The following AGTPBP1 variants were observed in gnomAD, a reference collection of about 807,000 sequenced individuals.
AGTPBP1 encodes the protein cytosolic carboxypeptidase 1.
AGTPBP1 carries 70 observed loss-of-function variants against 143.9 expected under a neutral mutation model. The observed-to-expected ratio is 0.49, with a 90% CI of 0.40 to 0.59. The LOEUF is 0.59. AGTPBP1 is among the 20% of genes least tolerant of loss of function. AGTPBP1 has a pLI of 0.00. For missense variants in AGTPBP1, 1,229 were observed against 1,464.5 expected (o/e 0.84, Z 2.62); for synonymous variants, 463 against 500.2 (o/e 0.93, Z 0.99).
intron 17 of AGTPBP1, among the ~76,000 whole-genome samples, chr9:85,605,142 T>C (rs1829915141): frequency 1.3e-5 from 2 of 152,130 alleles, no homozygotes; most frequent in Non-Finnish European, 2.9e-5. Flanking sequence ...AAGAAGGCTA[T>C]AGAACACCAC....
chr9:85,633,803 G>T (rs1157009932), intron 13 of AGTPBP1, among the ~76,000 whole-genome samples: 1 of 151,734 alleles, frequency 6.6e-6, no homozygotes, highest in Non-Finnish European at 1.5e-5. Flanking sequence ...TTGTATAGGG[G>T]TAGAAAAGAG....
At chr9:85,641,629 T>C (rs982622134) in intron 13 of AGTPBP1, among the ~76,000 whole-genome samples, 2 of 152,114 alleles carry the variant, frequency 1.3e-5, no homozygotes, top group Non-Finnish European at 2.9e-5. Context: ...TTATGGCATC[T>C]AAGGCTCCTA....
At chr9:85,773,374 C>T in the AGTPBP1 span, among the ~76,000 whole-genome samples, 1 of 130,834 alleles carries the variant, frequency 7.6e-6, no homozygotes, top group Non-Finnish European at 1.6e-5. Context: ...GCTCTTGCAC[C>T]CAGGCTGGAG....
At chr9:85,652,420 G>A (rs1013663002) in intron 11 of AGTPBP1, among the ~76,000 whole-genome samples, 1 of 152,142 alleles carries the variant, frequency 6.6e-6, no homozygotes, top group Non-Finnish European at 1.5e-5. Flanking sequence ...GCTGAGACAG[G>A]AGAATTGCTT....
chr9:85,579,847 A>ATTAAATTAAATTAAATT (rs1828137602), intron 23 of AGTPBP1, among the ~76,000 whole-genome samples: 4 of 150,666 alleles, frequency 2.7e-5, no homozygotes, highest in African/African-American at 9.8e-5. Flanking sequence ...ATCTAAAGTC[A>ATTAAATTAAATTAAATT]CTCTTCATTA....
At chr9:85,706,989 T>C (rs1391253373) in intron 2 of AGTPBP1, among the ~76,000 whole-genome samples, 1 of 150,746 alleles carries the variant, frequency 6.6e-6, no homozygotes, top group Non-Finnish European at 1.5e-5. Context: ...AGAAATGTGC[T>C]TTAAATATAA....
chr9:85,805,292 C>T, the AGTPBP1 span: 3 of 151,990 alleles, frequency 2.0e-5, no homozygotes, highest in African/African-American at 4.8e-5. Flanking sequence ...GAGGCTCTCA[C>T]GCCGCCCCCT....
At chr9:85,795,564 G>A in the AGTPBP1 span, among the ~76,000 whole-genome samples, 16 of 152,160 alleles carry the variant, frequency 1.1e-4, no homozygotes, top group African/African-American at 3.4e-4. Flanking sequence ...ACATACCAAT[G>A]AGTAAAACAG....
chr9:85,701,127 G>T (rs1387319982), intron 2 of AGTPBP1, among the ~76,000 whole-genome samples: 1 of 151,854 alleles, frequency 6.6e-6, no homozygotes, highest in Non-Finnish European at 1.5e-5. Flanking sequence ...GGCCAGGCTG[G>T]TCTTGAACTC....
At position 85,677,496 on chromosome 9, in the gene AGTPBP1, G is replaced by T; in HGVS notation, c.376C>A (p.Pro126Thr). 1 of 1,604,142 alleles carries T rather than the reference G, an allele frequency of 6.2e-7. No individual in the cohort carries two copies. The highest frequency in any genetic ancestry group is 8.5e-7 in the Non-Finnish European group (1 of 1,175,354). The change falls in exon 6 of 26, where the codon CCC becomes ACC. Residue 126 changes from proline to threonine, a missense_variant. Around this residue, in one of 2 missense-constraint regions of AGTPBP1, gnomAD observed 743 missense variants for 812.2 expected, o/e 0.91. Coordinates refer to ENST00000357081, the MANE Select transcript of AGTPBP1 (RefSeq NM_001330701.2). ...QLLMNASKES[P>T]PHEDLMVQIH... is the part of the protein sequence containing the mutation. ...TGTACCATTAAGTCCTCATGTGGGG[G>T]AGATTCTTTGCTGGCATTCATAAGT...
chr9:85,592,554 T>C lies in AGTPBP1; in HGVS notation c.2568+6A>G. 1.9e-6 allele frequency: 3 copies of C among 1,580,316 alleles called. No homozygotes were observed. Among genetic ancestry groups the C allele is most frequent in the Non-Finnish European group, 2.6e-6 (3 of 1,166,078 alleles). The stretch of plus-strand genomic sequence containing the variant: ...CATATAATACAATTTAATTTAGAGT[T>C]CTTACCTGTAAAGTTGAATACGTAT... On this transcript the variant is annotated splice_donor_region_variant and intron_variant, in intron 19 of 25. Coordinates refer to ENST00000357081, the MANE Select transcript of AGTPBP1 (RefSeq NM_001330701.2).
At chr9:85,647,338 T>A (rs959686088) in intron 11 of AGTPBP1, among the ~76,000 whole-genome samples, 1 of 152,248 alleles carries the variant, frequency 6.6e-6, no homozygotes, top group Non-Finnish European at 1.5e-5. Context: ...CTGGGTTGTA[T>A]GTGGCCCATG....
intron 25 of AGTPBP1, among the ~76,000 whole-genome samples, chr9:85,570,350 A>C (rs1827382205): frequency 6.6e-6 from 1 of 152,222 alleles, no homozygotes; most frequent in Non-Finnish European, 1.5e-5. Flanking sequence ...CAGAAAGTGA[A>C]GCCAAGGATA....
intron 25 of AGTPBP1, among the ~76,000 whole-genome samples, chr9:85,570,303 T>G (rs1027607676): frequency 6.6e-6 from 1 of 152,192 alleles, no homozygotes; most frequent in African/African-American, 2.4e-5. Flanking sequence ...CCATTTAATG[T>G]TTTTGGACTG....
intron 1 of AGTPBP1, among the ~76,000 whole-genome samples, chr9:85,730,621 A>G (rs1416242278): frequency 6.6e-6 from 1 of 152,190 alleles, no homozygotes; most frequent in Non-Finnish European, 1.5e-5. Context: ...CCTAAGGGGT[A>G]AATTTCCAGC....
chr9:85,586,841 C>T lies in AGTPBP1; in HGVS notation c.3023G>A (p.Arg1008His), dbSNP rs531985222. The T allele has an allele frequency of 1.5e-5, 24 of 1,613,434 alleles. No homozygotes were observed. The highest frequency in any genetic ancestry group is 4.0e-5 in the African/African-American group (3 of 74,902). The part of the protein sequence containing the change: ...GLLQYLAAVK[R>H]LPLVYCDYHG... ...AGTATTGCTACTTACCAAGGGTAAA[C>T]GCTTCACTGCAGCCAAGTATTGCAA... is the stretch of plus-strand genomic sequence containing the variant. Residue 1008 changes from arginine (R) to histidine (H), a missense_variant, in exon 22 of 26, where the codon CGT (arginine) becomes CAT (histidine). By Grantham distance (29) the Arg-to-His change is conservative. Coordinates refer to ENST00000357081, the MANE Select transcript of AGTPBP1 (RefSeq NM_001330701.2).
intron 1 of AGTPBP1, among the ~76,000 whole-genome samples, chr9:85,725,851 G>T (rs906527506): frequency 6.6e-6 from 1 of 151,864 alleles, no homozygotes; most frequent in African/African-American, 2.4e-5. Context: ...TTCGAGACCA[G>T]CCTGGCCAAC....
chr9:85,679,284 T>C (rs539513617), intron 4 of AGTPBP1, among the ~76,000 whole-genome samples: 11 of 152,380 alleles, frequency 7.2e-5, no homozygotes, highest in African/African-American at 2.6e-4. Context: ...TTATTTATCT[T>C]CTTAAAAGTA....
the AGTPBP1 span, among the ~76,000 whole-genome samples, chr9:85,760,872 T>C: frequency 6.6e-6 from 1 of 152,150 alleles, no homozygotes; most frequent in African/African-American, 2.4e-5. Context: ...GAAAACCCCA[T>C]CGTCTCAGCC....
Sources: gnomAD v4.1 joint callset for allele counts (sites outside exome capture counted in the v4.1 genomes callset) on GRCh38, gnomAD v4.1.1 for gene constraint, gnomAD v4.1.1 regional missense constraint, MANE v1.5 for transcripts, NCBI Gene and HGNC (gene_info 2026-07-23, HGNC 2026-07-21) for gene names.